Variants in NTRK3 observed in about 807,000 individuals in gnomAD.
NTRK3 encodes the protein NT-3 growth factor receptor.
NTRK3 carries 24 observed loss-of-function variants against 91.7 expected under a neutral mutation model. That is an observed-to-expected ratio of 0.26 (90% confidence interval 0.19 to 0.37). The LOEUF is 0.37. Among genes scored for constraint, NTRK3 ranks in the 10% least tolerant of loss-of-function variants. The probability of loss-of-function intolerance (pLI) is 1.00; values close to 1 mark genes in which losing one functional copy is unlikely to be tolerated. For missense variants in NTRK3, 880 were observed against 1,068.9 expected (o/e 0.82, Z 2.46); for synonymous variants, 483 against 404.0 (o/e 1.20, Z -2.34).
rs900106704 is a variant in NTRK3 at position 88,243,192 on chromosome 15, G to A, written c.248+12714C>T. Among the ~76,000 whole-genome samples the A allele has an allele frequency of 2.0e-5, 3 of 152,160 alleles. No homozygotes were observed. Among genetic ancestry groups the A allele is most frequent in the African/African-American group, 4.8e-5 (2 of 41,524 alleles). The stretch of plus-strand genomic sequence containing the variant: ...GAATAAAATTGCACCCCTCCTCCAC[G>A]CCCTTGCCCCCTCCCCACTTCTTAT... On this transcript the variant is annotated intron_variant, in intron 3 of 18. Transcript: ENST00000394480. This position sits in a 1 kb window ranked among gnomAD's most constrained non-coding sequence, Gnocchi z 4.8.
chr15:87,868,710 C>T (rs2064751322), exon 19 of NTRK3: 1 of 220,546 alleles, frequency 4.5e-6, no homozygotes. Context: ...TTCTATGTGG[C>T]TGTTGTGCCA....
intron 6 of NTRK3, among the ~76,000 whole-genome samples, chr15:88,139,154 G>T (rs1022450941): frequency 6.6e-5 from 10 of 152,172 alleles, no homozygotes; most frequent in Non-Finnish European, 1.5e-4. Context: ...TTTGATAGGG[G>T]AAGAGTCACC....
chr15:88,092,236 G>T (rs1297293718), intron 13 of NTRK3, among the ~76,000 whole-genome samples: 1 of 152,180 alleles, frequency 6.6e-6, no homozygotes, highest in African/African-American at 2.4e-5. Context: ...TATCTCAGCC[G>T]CTCAGTGTCA....
At chr15:87,885,661 T>G (rs892956905) in intron 17 of NTRK3, 33 bp downstream of exon 18, 5 of 1,193,330 alleles carry the variant, frequency 4.2e-6, no homozygotes, top group Non-Finnish European at 5.9e-6. Flanking sequence ...GACAATGAAC[T>G]ATTCATTAAA....
In NTRK3 at chr15:88,233,874, G is replaced by A. The variant is rs573785000; in HGVS notation, c.248+22032C>T. Among the ~76,000 whole-genome samples the A allele has an allele frequency of 2.6e-5, 4 of 152,274 alleles. No individual in the cohort carries two copies. Among genetic ancestry groups the A allele is most frequent in the African/African-American group, 9.6e-5 (4 of 41,542 alleles). On this transcript the variant is annotated intron_variant, in intron 3 of 18. Coordinates refer to ENST00000394480, the Ensembl canonical transcript of NTRK3. The surrounding 1 kb of genome is among the most constrained non-coding windows in gnomAD (Gnocchi z 4.2). ...AGCCAGAAACATGGCTCTCAGGGCT[G>A]TGAAAACAAATCATTAAATAAGTGA...
intron 5 of NTRK3, among the ~76,000 whole-genome samples, chr15:88,180,698 A>AAAG (rs943636050): frequency 1.3e-5 from 2 of 151,544 alleles, no homozygotes; most frequent in African/African-American, 4.9e-5. Context: ...AAAAAAAAAA[A>AAAG]AAGCCACCAA....
At chr15:88,110,334 G>T (rs2051198485) in intron 13 of NTRK3, among the ~76,000 whole-genome samples, 1 of 152,196 alleles carries the variant, frequency 6.6e-6, no homozygotes. Flanking sequence ...CGTGGGGTAG[G>T]CAGAAGGAAG....
exon 19 of NTRK3, chr15:87,871,664 T>C (rs1395663035): frequency 8.7e-6 from 2 of 229,034 alleles, no homozygotes. Context: ...CCCATCGTAA[T>C]CTTCCTGAAT....
rs530420507 is a variant in NTRK3 at position 87,922,024 on chromosome 15, G to A, written c.2133+7167C>T. Among the ~76,000 whole-genome samples the A allele has an allele frequency of 2.6e-5, 4 of 152,320 alleles. No individual in the cohort carries two copies. The South Asian group carries it at 8.3e-4, about 32-fold the overall frequency. ...AAACACATCATCTGGGCAGAGAAGA[G>A]AGGTACCACTTATTAAATGAGATTC... On this transcript the variant is annotated intron_variant, in intron 17 of 18. Transcript: ENST00000394480.
chr15:87,898,723 C>T (rs554050253), intron 17 of NTRK3, among the ~76,000 whole-genome samples: 11 of 151,024 alleles, frequency 7.3e-5, no homozygotes, highest in East Asian at 5.9e-4. Context: ...CTGTGGCTCA[C>T]GCCTGTAATC....
At chr15:88,245,781 A>T (rs1208581272) in intron 3 of NTRK3, among the ~76,000 whole-genome samples, 3 of 152,204 alleles carry the variant, frequency 2.0e-5, no homozygotes, top group African/African-American at 7.2e-5. Context: ...AAAACTGAGG[A>T]TCAACAAGGT....
chr15:88,082,182 G>A (rs1435197183), intron 13 of NTRK3, among the ~76,000 whole-genome samples: 1 of 151,904 alleles, frequency 6.6e-6, no homozygotes, highest in Non-Finnish European at 1.5e-5. Flanking sequence ...GGAGGCTGAG[G>A]CAGGAGAATG....
chr15:88,105,770 T>C (rs1056813389), intron 13 of NTRK3, among the ~76,000 whole-genome samples: 1 of 152,092 alleles, frequency 6.6e-6, no homozygotes, highest in Non-Finnish European at 1.5e-5. Context: ...ACTAAGCCAG[T>C]GGTGGCCACT....
intron 17 of NTRK3, among the ~76,000 whole-genome samples, chr15:87,893,307 A>G (rs2065941238): frequency 6.6e-6 from 1 of 152,074 alleles, no homozygotes; most frequent in African/African-American, 2.4e-5. Context: ...CCCAAACCCC[A>G]TCTTTTTCAT....
rs1408815458 is a variant in NTRK3 at position 88,012,828 on chromosome 15, A to G, written c.1585+20029T>C. Among the ~76,000 whole-genome samples, 5 of 152,214 alleles carry G rather than the reference A, an allele frequency of 3.3e-5. No homozygotes were observed. In the East Asian group the frequency reaches 7.7e-4, roughly 23 times the overall value. ...TCGGAATCACCCAGAGGGCTTATTG[A>G]AATGCAGACTGCTGAATCCCATGCC... On this transcript the variant is annotated intron_variant, in intron 14 of 18. Transcript: ENST00000394480.
chr15:87,981,641 A>G (rs569936412), intron 14 of NTRK3, among the ~76,000 whole-genome samples: 1 of 152,268 alleles, frequency 6.6e-6, no homozygotes, highest in African/African-American at 2.4e-5. Context: ...CACTTTTCCT[A>G]ACATATTTGC....
chr15:88,115,023 T>C (rs141509889), intron 13 of NTRK3, among the ~76,000 whole-genome samples: 34 of 152,270 alleles, frequency 2.2e-4, no homozygotes, highest in African/African-American at 7.5e-4. Flanking sequence ...CAAATACAGA[T>C]AGCCATTTGT....
intron 5 of NTRK3, among the ~76,000 whole-genome samples, chr15:88,149,415 T>A (rs987345960): frequency 2.3e-4 from 35 of 151,952 alleles, no homozygotes; most frequent in Non-Finnish European, 8.8e-5. Flanking sequence ...CTGTTCAGAG[T>A]TTTTAAGCCT....
intron 6 of NTRK3, among the ~76,000 whole-genome samples, chr15:88,139,061 G>C (rs1597537426): frequency 1.3e-5 from 2 of 152,172 alleles, no homozygotes; most frequent in East Asian, 3.9e-4. Context: ...TCCATAATTG[G>C]CCATGGGCTG....
Sources: allele counts gnomAD v4.1 joint callset (sites outside exome capture counted in the v4.1 genomes callset), GRCh38; gene constraint gnomAD v4.1.1; non-coding constraint Gnocchi (gnomAD v3.1); transcripts MANE v1.5; gene names NCBI Gene and HGNC (gene_info 2026-07-23, HGNC 2026-07-21).